MECOM: variants seen among roughly 807,000 people sequenced by gnomAD.
The protein encoded by MECOM is histone-lysine N-methyltransferase MECOM.
In MECOM, 13 loss-of-function variants were observed where a neutral mutation model predicts 116.3. That is an observed-to-expected ratio of 0.11 (90% confidence interval 0.07 to 0.18). MECOM has a LOEUF of 0.18. Among genes scored for constraint, MECOM ranks in the 10% least tolerant of loss-of-function variants. The pLI, the probability that MECOM is intolerant of heterozygous loss-of-function variation, is 1.00. For synonymous variants in MECOM, 528 were observed against 535.2 expected, an observed-to-expected ratio of 0.99 and a Z score of 0.19; for missense variants, 1,299 against 1,509.0, an observed-to-expected ratio of 0.86 and a Z score of 2.31.
At chr3:169,511,056 C>T (rs1484025529) in intron 1 of MECOM, among the ~76,000 whole-genome samples, 1 of 152,140 alleles carries the variant, frequency 6.6e-6, no homozygotes, top group Non-Finnish European at 1.5e-5. Flanking sequence ...CTATACTTGG[C>T]CTTACTTTTT....
intron 2 of MECOM, among the ~76,000 whole-genome samples, chr3:169,336,017 A>AT (rs1458970199): frequency 3.3e-5 from 5 of 152,054 alleles, no homozygotes; most frequent in Admixed American, 1.3e-4. Context: ...AGAATTTGCG[A>AT]TTTTTTAGCG....
intron 1 of MECOM, among the ~76,000 whole-genome samples, chr3:169,518,173 G>T (rs1334392599): frequency 1.3e-5 from 2 of 152,012 alleles, no homozygotes; most frequent in East Asian, 3.9e-4. Context: ...GCAGGAGAAT[G>T]GTGCGAACCC....
intron 1 of MECOM, among the ~76,000 whole-genome samples, chr3:169,614,106 T>G (rs1182020026): frequency 3.8e-5 from 3 of 78,026 alleles, no homozygotes; most frequent in African/African-American, 1.4e-4. Context: ...CTTTTCTTTT[T>G]CTTTTTTCTT....
intron 1 of MECOM, among the ~76,000 whole-genome samples, chr3:169,602,643 G>A (rs1374953727): frequency 6.6e-6 from 1 of 151,942 alleles, no homozygotes; most frequent in African/African-American, 2.4e-5. Flanking sequence ...TTTACCCCAG[G>A]GAGAAAAATC....
intron 1 of MECOM, among the ~76,000 whole-genome samples, chr3:169,542,158 A>T (rs1760147410): frequency 6.6e-6 from 1 of 152,232 alleles, no homozygotes; most frequent in Admixed American, 6.5e-5. Context: ...AAACGCATTG[A>T]AAGTTTTCCA....
intron 1 of MECOM, among the ~76,000 whole-genome samples, chr3:169,439,736 A>G (rs1369483939): frequency 1.3e-5 from 2 of 152,196 alleles, no homozygotes; most frequent in African/African-American, 2.4e-5. Context: ...CGTACATACT[A>G]GAAGACATGT....
intron 7 of MECOM, among the ~76,000 whole-genome samples, chr3:169,117,771 T>C (rs1267186152): frequency 1.3e-5 from 2 of 152,178 alleles, no homozygotes; most frequent in Non-Finnish European, 2.9e-5. Context: ...CCAAGTATAT[T>C]TTAAGACCAA....
intron 2 of MECOM, among the ~76,000 whole-genome samples, chr3:169,177,398 C>T (rs1745322005): frequency 6.6e-6 from 1 of 151,980 alleles, no homozygotes; most frequent in Non-Finnish European, 1.5e-5. Flanking sequence ...TGTTCTCACT[C>T]ATAAGTGGGA....
chr3:169,593,381 T>G (rs1388301126), intron 1 of MECOM, among the ~76,000 whole-genome samples: 1 of 152,168 alleles, frequency 6.6e-6, no homozygotes, highest in African/African-American at 2.4e-5. Context: ...GCATAAATAT[T>G]ACAGCTAGAC....
At chr3:169,221,761 T>G (rs1376693141) in intron 2 of MECOM, among the ~76,000 whole-genome samples, 1 of 152,136 alleles carries the variant, frequency 6.6e-6, no homozygotes, top group African/African-American at 2.4e-5. Flanking sequence ...TTGCATTCAT[T>G]TATTCATTAT....
At chr3:169,262,453 A>G (rs1054850403) in intron 2 of MECOM, among the ~76,000 whole-genome samples, 1 of 152,218 alleles carries the variant, frequency 6.6e-6, no homozygotes, top group African/African-American at 2.4e-5. Flanking sequence ...AAATTTTCCC[A>G]TACTGTATCA....
intron 2 of MECOM, among the ~76,000 whole-genome samples, chr3:169,225,224 T>C (rs1488996032): frequency 1.3e-5 from 2 of 152,192 alleles, no homozygotes; most frequent in East Asian, 3.8e-4. Context: ...AGAAAAATGT[T>C]AAATGCATCC....
At chr3:169,380,257 T>G (rs972064217) in intron 2 of MECOM, among the ~76,000 whole-genome samples, 1 of 152,138 alleles carries the variant, frequency 6.6e-6, no homozygotes, top group Non-Finnish European at 1.5e-5. Context: ...AAACCAAAGG[T>G]CAATCACATC....
At chr3:169,381,800 A>G (rs1253466667) in intron 1 of MECOM, among the ~76,000 whole-genome samples, 1 of 152,222 alleles carries the variant, frequency 6.6e-6, no homozygotes, top group East Asian at 1.9e-4. Context: ...CATCTGGGAA[A>G]CAATCAGCAA....
At chr3:169,235,751 CA>C (rs1337880153) in intron 2 of MECOM, among the ~76,000 whole-genome samples, 6 of 151,532 alleles carry the variant, frequency 4.0e-5, no homozygotes, top group Admixed American at 6.6e-5. Flanking sequence ...AACATAATAG[CA>C]ATAATATCAT....
intron 2 of MECOM, among the ~76,000 whole-genome samples, chr3:169,314,867 T>C (rs569355524): frequency 6.6e-6 from 1 of 152,364 alleles, no homozygotes; most frequent in East Asian, 1.9e-4. Context: ...TGGAGGATTC[T>C]GGAATATTTA....
chr3:169,283,218 AG>A (rs1712506127), intron 2 of MECOM, among the ~76,000 whole-genome samples: 1 of 152,178 alleles, frequency 6.6e-6, no homozygotes, highest in Non-Finnish European at 1.5e-5. Context: ...TTACAAAAAA[AG>A]AGGTCAGGCA....
At chr3:169,599,471 C>A (rs972407986) in intron 1 of MECOM, among the ~76,000 whole-genome samples, 5 of 149,652 alleles carry the variant, frequency 3.3e-5, no homozygotes, top group Non-Finnish European at 5.9e-5. Context: ...CAAGATCAAG[C>A]CACTGCACTC....
intron 3 of MECOM, 86 bp downstream of exon 3, chr3:169,143,612 C>A: frequency 7.4e-7 from 1 of 1,349,000 alleles, no homozygotes; most frequent in Non-Finnish European, 9.9e-7. Flanking sequence ...CAAGGGTCTA[C>A]TGCAGCTTAC....
Sources: allele counts gnomAD v4.1 joint callset (sites outside exome capture counted in the v4.1 genomes callset), GRCh38; gene constraint gnomAD v4.1.1; transcripts MANE v1.5; gene names NCBI Gene and HGNC (gene_info 2026-07-23, HGNC 2026-07-21).